The following SEMA3A variants were observed in gnomAD, a reference collection of about 807,000 sequenced individuals.
The protein encoded by SEMA3A is semaphorin-3A.
A neutral mutation model predicts 97.9 loss-of-function variants in SEMA3A; 29 were observed. The ratio of observed to expected loss-of-function variants is 0.30; its 90% CI spans 0.22 to 0.40. The LOEUF is 0.40. Among genes scored for constraint, SEMA3A ranks in the 10% least tolerant of loss-of-function variants. The pLI is 1.00. For synonymous variants in SEMA3A, 321 were observed against 323.7 expected (o/e 0.99, Z 0.09); for missense variants, 763 against 951.3 (o/e 0.80, Z 2.60).
intron 1 of SEMA3A, among the ~76,000 whole-genome samples, chr7:84,460,591 G>C (rs1805808806): frequency 6.6e-6 from 1 of 152,084 alleles, no homozygotes; most frequent in Non-Finnish European, 1.5e-5. Context: ...ACAATTTAAA[G>C]GTATAATAGC....
At chr7:84,027,005 TA>T (rs1290933669) in intron 6 of SEMA3A, among the ~76,000 whole-genome samples, 17 of 148,468 alleles carry the variant, frequency 1.1e-4, no homozygotes, top group East Asian at 5.9e-4. Flanking sequence ...AAATAAAAGT[TA>T]AAAAAAAAAC....
At position 83,959,323 on chromosome 7, in the gene SEMA3A, T is replaced by G. The variant is rs941632426; in HGVS notation, c.*2048A>C. On this transcript the variant is annotated 3_prime_UTR_variant, in exon 17 of 17. Coordinates refer to ENST00000265362, the MANE Select transcript of SEMA3A (RefSeq NM_006080.3). The stretch of plus-strand genomic sequence containing the variant: ...CACAACACTGAATGTTAGTACAGTT[T>G]AGATACTTTATGAAAATAAAAGAAT... 1.3e-5 allele frequency: 2 copies of G among 152,104 alleles called. No individual in the cohort carries two copies. Among genetic ancestry groups the G allele is most frequent in the African/African-American group, 4.8e-5 (2 of 41,454 alleles). The allele number at this position is 152,104 out of a possible 1,614,324, so 9.4% of individuals were successfully genotyped here.
At chr7:84,410,442 T>C (rs905877365) in intron 1 of SEMA3A, among the ~76,000 whole-genome samples, 4 of 152,076 alleles carry the variant, frequency 2.6e-5, no homozygotes, top group Admixed American at 6.6e-5. Flanking sequence ...CCAACCCAGA[T>C]TGCACACTCC....
At chr7:84,408,313 C>T (rs1804160680) in intron 1 of SEMA3A, among the ~76,000 whole-genome samples, 2 of 152,140 alleles carry the variant, frequency 1.3e-5, no homozygotes, top group African/African-American at 4.8e-5. Flanking sequence ...CACTGGCCAT[C>T]AGAGAAATGC....
Position 83,972,901 on chromosome 7 carries a change from A to G in SEMA3A, c.1717+4231T>C, listed in dbSNP as rs144233440. 2.2e-3 allele frequency among the ~76,000 whole-genome samples: 331 copies of G among 152,256 alleles called. 1 individual carries two copies. Among genetic ancestry groups the G allele is most frequent in the African/African-American group, 7.4e-3 (308 of 41,562 alleles). ...TCCTCAGCAGAAGACAAGTGTCATG[A>G]TGACTATCTCCAGTGAAAATATTCA... On this transcript the variant is annotated intron_variant, in intron 15 of 16. Transcript: ENST00000265362.
intron 1 of SEMA3A, among the ~76,000 whole-genome samples, chr7:84,425,870 ACACACACC>A (rs149090440): frequency 0.1 from 12,369 of 121,854 alleles, 958 homozygotes; most frequent in African/African-American, 0.27. Context: ...ACACACACAC[ACACACACC>A]CACACACACA....
At chr7:84,286,611 G>A (rs953572167) in intron 3 of SEMA3A, among the ~76,000 whole-genome samples, 1 of 152,094 alleles carries the variant, frequency 6.6e-6, no homozygotes, top group Admixed American at 6.6e-5. Flanking sequence ...TTCATCCTCA[G>A]AATGGCTCTT....
At chr7:83,996,300 CTT>C (rs35148121) in intron 12 of SEMA3A, among the ~76,000 whole-genome samples, 2,141 of 111,926 alleles carry the variant, frequency 0.019, 28 homozygotes, top group African/African-American at 0.063. Context: ...TACTAGTAAT[CTT>C]TTTTTTTTTT....
At chr7:84,444,734 T>C (rs940123509) in intron 1 of SEMA3A, among the ~76,000 whole-genome samples, 6 of 152,054 alleles carry the variant, frequency 3.9e-5, no homozygotes, top group African/African-American at 1.4e-4. Flanking sequence ...GCTAATTTTT[T>C]GTATTTTTAG....
intron 11 of SEMA3A, among the ~76,000 whole-genome samples, chr7:84,003,137 T>A (rs971457891): frequency 2.0e-5 from 3 of 152,126 alleles, no homozygotes; most frequent in Admixed American, 6.6e-5. Context: ...GATAACTGTT[T>A]TTGGAGAACC....
chr7:84,242,609 C>G (rs906968155), intron 3 of SEMA3A, among the ~76,000 whole-genome samples: 8 of 151,848 alleles, frequency 5.3e-5, no homozygotes, highest in African/African-American at 1.5e-4. Flanking sequence ...CTTGAATACC[C>G]CTTGAATACC....
At chr7:84,060,699 G>A (rs765373268) in intron 4 of SEMA3A, 141 bp from the exon 5 acceptor site, 3 of 518,456 alleles carry the variant, frequency 5.8e-6, no homozygotes, top group South Asian at 4.2e-5. Flanking sequence ...TTTTTGAGAT[G>A]GCAAAATAAA....
intron 3 of SEMA3A, among the ~76,000 whole-genome samples, chr7:84,208,369 G>A (rs1986249): frequency 0.7 from 105,558 of 151,660 alleles, 38,443 homozygotes; most frequent in African/African-American, 0.93. Flanking sequence ...GGAGAATGGC[G>A]TGAACCCGGG....
chr7:84,344,779 T>C (rs1244113072), intron 2 of SEMA3A, among the ~76,000 whole-genome samples: 1 of 152,168 alleles, frequency 6.6e-6, no homozygotes, highest in Non-Finnish European at 1.5e-5. Flanking sequence ...ACGGTTCATG[T>C]TTCCATTATC....
chr7:84,089,392 C>G (rs1223859874), intron 4 of SEMA3A, among the ~76,000 whole-genome samples: 1 of 152,012 alleles, frequency 6.6e-6, no homozygotes, highest in African/African-American at 2.4e-5. Flanking sequence ...AGGTAACAAT[C>G]TACAAAATTT....
chr7:84,385,915 ATTTC>A (rs1803383664), intron 1 of SEMA3A, among the ~76,000 whole-genome samples: 1 of 152,136 alleles, frequency 6.6e-6, no homozygotes, highest in Non-Finnish European at 1.5e-5. Context: ...TTCTGAGCCC[ATTTC>A]TTTCTTATTA....
Position 84,340,473 on chromosome 7 carries a change from A to G in SEMA3A, c.-169+31351T>C, listed in dbSNP as rs529186492. Among the ~76,000 whole-genome samples the G allele has an allele frequency of 3.0e-4, 46 of 152,234 alleles. 1 individual carries two copies. Among genetic ancestry groups the G allele is most frequent in the Middle Eastern group, 3.4e-3 (1 of 294 alleles). Reference sequence around the variant, plus strand: ...TTAATAAATTTGTAATTGTTTCAACATTTCTGATGAAAATGCATCAAAAGC... The same window carrying G: ...TTAATAAATTTGTAATTGTTTCAACGTTTCTGATGAAAATGCATCAAAAGC... On this transcript the variant is annotated intron_variant, in intron 2 of 3. Coordinates refer to the SEMA3A transcript ENST00000424555.
intron 4 of SEMA3A, among the ~76,000 whole-genome samples, chr7:84,089,119 T>C (rs1172978324): frequency 6.6e-6 from 1 of 152,060 alleles, no homozygotes; most frequent in Non-Finnish European, 1.5e-5. Flanking sequence ...ATGTAAACAC[T>C]CATCTTGAGC....
chr7:84,335,929 G>GT (rs1802028244), intron 2 of SEMA3A, among the ~76,000 whole-genome samples: 1 of 151,960 alleles, frequency 6.6e-6, no homozygotes, highest in African/African-American at 2.4e-5. Context: ...TATTTTACGT[G>GT]TTTTTTTCTT....
Sources: allele counts gnomAD v4.1 joint callset (sites outside exome capture counted in the v4.1 genomes callset), GRCh38; gene constraint gnomAD v4.1.1; transcripts MANE v1.5; gene names NCBI Gene and HGNC (gene_info 2026-07-23, HGNC 2026-07-21).